MSRA: variants seen among roughly 807,000 people sequenced by gnomAD.
MSRA encodes the protein methionine sulfoxide reductase A, also known as mitochondrial peptide methionine sulfoxide reductase.
Under a neutral mutation model 31.3 loss-of-function variants are expected in MSRA, and 54 were observed. The ratio of observed to expected loss-of-function variants is 1.73; its 90% CI spans 1.39 to 2.17. The LOEUF (loss-of-function observed/expected upper bound fraction) is 2.17. MSRA is among the 30% of genes most tolerant of loss of function. MSRA has a pLI of 0.00. For synonymous variants in MSRA, 169 were observed against 116.5 expected, an observed-to-expected ratio of 1.45 and a Z score of -2.90; for missense variants, 507 against 300.9, an observed-to-expected ratio of 1.69 and a Z score of -5.07.
In MSRA at chr8:10,325,957, A is replaced by C. The variant is rs966486519; in HGVS notation, c.543+5968A>C. On this transcript the variant is annotated intron_variant, in intron 5 of 5. Coordinates refer to ENST00000317173, the MANE Select transcript of MSRA (RefSeq NM_012331.5). Reference sequence around the variant, plus strand: ...TGGTCTAGAACTCTGTACTGTAGTCAGAAACATTTAGTTTGATTTCTAAAA... The same window carrying C: ...TGGTCTAGAACTCTGTACTGTAGTCCGAAACATTTAGTTTGATTTCTAAAA... 9.9e-5 allele frequency among the ~76,000 whole-genome samples: 15 copies of C among 152,216 alleles called. No homozygotes were observed. In the South Asian group the frequency reaches 1.2e-3, roughly 13 times the overall value.
At chr8:10,249,188 C>T (rs1056032624) in intron 3 of MSRA, among the ~76,000 whole-genome samples, 1 of 152,146 alleles carries the variant, frequency 6.6e-6, no homozygotes, top group African/African-American at 2.4e-5. Flanking sequence ...CTTTTGTCCT[C>T]CTGTGGGGAT....
chr8:10,064,637 T>G (rs888522288), intron 1 of MSRA, among the ~76,000 whole-genome samples: 1 of 152,218 alleles, frequency 6.6e-6, no homozygotes, highest in African/African-American at 2.4e-5. Flanking sequence ...ATGAATTCTT[T>G]CAAAGATGTT....
intron 1 of MSRA, among the ~76,000 whole-genome samples, chr8:10,190,497 A>T (rs1454105873): frequency 1.3e-5 from 2 of 152,210 alleles, no homozygotes; most frequent in African/African-American, 2.4e-5. Flanking sequence ...TCTCCAGATC[A>T]GCTCTGGCCT....
chr8:10,160,823 C>T (rs536364157), intron 1 of MSRA, among the ~76,000 whole-genome samples: 11 of 152,250 alleles, frequency 7.2e-5, no homozygotes, highest in Admixed American at 2.0e-4. Flanking sequence ...CCATCGTACC[C>T]GGCCGAGATT....
intron 4 of MSRA, among the ~76,000 whole-genome samples, chr8:10,318,220 G>C (rs1220093074): frequency 6.6e-6 from 1 of 152,192 alleles, no homozygotes; most frequent in Non-Finnish European, 1.5e-5. Flanking sequence ...CCTGCTATGT[G>C]ACCTCAGGTG....
chr8:10,317,259 T>G (rs1378907398), intron 4 of MSRA, among the ~76,000 whole-genome samples: 1 of 152,182 alleles, frequency 6.6e-6, no homozygotes, highest in East Asian at 1.9e-4. Context: ...GCAACAACTC[T>G]TAGCATAAAC....
intron 3 of MSRA, among the ~76,000 whole-genome samples, chr8:10,266,550 T>G (rs1165532797): frequency 2.0e-5 from 3 of 152,194 alleles, no homozygotes; most frequent in Non-Finnish European, 2.9e-5. Flanking sequence ...TAGCATTCTC[T>G]TAACAGTGTT....
intron 5 of MSRA, among the ~76,000 whole-genome samples, chr8:10,332,780 C>T (rs1802780887): frequency 6.6e-6 from 1 of 152,160 alleles, no homozygotes; most frequent in Non-Finnish European, 1.5e-5. Context: ...TACCCTTGGG[C>T]ATTTGTTCAT....
chr8:10,074,578 T>C (rs1351546467), intron 1 of MSRA, among the ~76,000 whole-genome samples: 1 of 152,200 alleles, frequency 6.6e-6, no homozygotes, highest in African/African-American at 2.4e-5. Context: ...CATCTCTACA[T>C]TCACATTTGA....
At chr8:10,339,359 T>G (rs548816565) in intron 5 of MSRA, among the ~76,000 whole-genome samples, 1 of 152,316 alleles carries the variant, frequency 6.6e-6, no homozygotes, top group East Asian at 1.9e-4. Context: ...CCTTGTTTCA[T>G]GAGTTTCCAA....
At chr8:10,232,706 T>C (rs1811597311) in intron 2 of MSRA, among the ~76,000 whole-genome samples, 1 of 152,134 alleles carries the variant, frequency 6.6e-6, no homozygotes, top group South Asian at 2.1e-4. Context: ...TAATAAAAAA[T>C]CTCATAGACA....
chr8:10,334,967 C>T (rs1029118722), intron 5 of MSRA, among the ~76,000 whole-genome samples: 1 of 152,192 alleles, frequency 6.6e-6, no homozygotes, highest in African/African-American at 2.4e-5. Context: ...GGCGAGCCCG[C>T]CCATTGGCTG....
At chr8:10,392,156 C>G (rs1806788040) in intron 5 of MSRA, among the ~76,000 whole-genome samples, 1 of 152,188 alleles carries the variant, frequency 6.6e-6, no homozygotes. Context: ...TGGCAATGAA[C>G]ATGGACTTGA....
chr8:10,383,923 C>G (rs892267157), intron 5 of MSRA, among the ~76,000 whole-genome samples: 1 of 152,156 alleles, frequency 6.6e-6, no homozygotes, highest in Non-Finnish European at 1.5e-5. Flanking sequence ...CCAGGACATT[C>G]CTCATACGCT....
intron 3 of MSRA, among the ~76,000 whole-genome samples, chr8:10,282,259 C>G (rs1799662106): frequency 6.6e-6 from 1 of 152,110 alleles, no homozygotes; most frequent in African/African-American, 2.4e-5. Flanking sequence ...TGCAGAAGGG[C>G]CAAGATAGAG....
intron 3 of MSRA, among the ~76,000 whole-genome samples, chr8:10,291,350 C>T (rs1800224494): frequency 6.6e-6 from 1 of 151,926 alleles, no homozygotes; most frequent in African/African-American, 2.4e-5. Context: ...TTCTACTTTT[C>T]AATCAATAGG....
At chr8:10,167,642 C>T (rs964335790) in intron 1 of MSRA, among the ~76,000 whole-genome samples, 6 of 152,082 alleles carry the variant, frequency 3.9e-5, no homozygotes, top group Admixed American at 3.9e-4. Context: ...AGGGGAGGAG[C>T]GTACTTAGCA....
rs541290259 is a variant in MSRA, at chr8:10,415,320, G to T, written c.544-12828G>T. ...TGGGGAGGTGAAGGACGACAAGGAA[G>T]TAATGGGAAAACAAATGACGGCCAC... On this transcript the variant is annotated intron_variant, in intron 5 of 5. Transcript: ENST00000317173. Among the ~76,000 whole-genome samples the T allele has an allele frequency of 3.3e-5, 5 of 152,308 alleles. No homozygotes were observed. In the South Asian group the frequency reaches 1.0e-3, roughly 32 times the overall value.
intron 3 of MSRA, among the ~76,000 whole-genome samples, chr8:10,257,040 T>G (rs1256274832): frequency 1.3e-5 from 2 of 152,222 alleles, no homozygotes; most frequent in African/African-American, 2.4e-5. Context: ...AGCATTTTAG[T>G]TATATCAGGC....
Sources: allele counts gnomAD v4.1 joint callset (sites outside exome capture counted in the v4.1 genomes callset), GRCh38; gene constraint gnomAD v4.1.1; transcripts MANE v1.5; gene names NCBI Gene and HGNC (gene_info 2026-07-23, HGNC 2026-07-21).